Variants in PDE4D observed in about 807,000 individuals in gnomAD.
PDE4D encodes the protein phosphodiesterase 4D.
PDE4D carries 24 observed loss-of-function variants against 87.4 expected under a neutral mutation model. The ratio of observed to expected loss-of-function variants is 0.27; its 90% CI spans 0.20 to 0.39. PDE4D has a LOEUF of 0.39. Ranked by LOEUF, PDE4D falls within the 10% of genes least tolerant of loss-of-function variation. The pLI is 1.00. For synonymous variants in PDE4D, 384 were observed against 383.2 expected (o/e 1.00, Z -0.02); for missense variants, 714 against 1,041.0 (o/e 0.69, Z 4.32).
At chr5:59,964,565 T>C (rs1759802810) in intron 3 of PDE4D, among the ~76,000 whole-genome samples, 1 of 152,270 alleles carries the variant, frequency 6.6e-6, no homozygotes, top group Non-Finnish European at 1.5e-5. Flanking sequence ...ATGTCTTCTA[T>C]ACCCAAACAT....
Position 59,805,667 on chromosome 5 carries a change from A to G in PDE4D, c.455+87501T>C, listed in dbSNP as rs565071893. 2.6e-5 allele frequency among the ~76,000 whole-genome samples: 4 copies of G among 152,366 alleles called. No individual in the cohort carries two copies. The East Asian group carries it at 7.7e-4, about 29-fold the overall frequency. ...GAATGCTGGAGACAGGCAATGGCAC[A>G]TCATCCAATACAGTGAACAAAGGCA... is the stretch of plus-strand genomic sequence containing the variant. On this transcript the variant is annotated intron_variant, in intron 1 of 14. Coordinates refer to ENST00000340635, the MANE Select transcript of PDE4D (RefSeq NM_001104631.2).
intron 1 of PDE4D, among the ~76,000 whole-genome samples, chr5:59,242,792 G>C (rs193281752): frequency 9.2e-4 from 140 of 152,250 alleles, no homozygotes; most frequent in Non-Finnish European, 1.7e-3. Flanking sequence ...TTATAGATAA[G>C]GAAACTGAGG....
At chr5:59,226,860 T>C (rs2153514486) in intron 1 of PDE4D, among the ~76,000 whole-genome samples, 1 of 152,198 alleles carries the variant, frequency 6.6e-6, no homozygotes, top group Non-Finnish European at 1.5e-5. Flanking sequence ...AGTGTCTTTT[T>C]TTTTGGTAGT....
chr5:59,892,896 C>CCACGCACACA (rs1403001194), intron 1 of PDE4D, among the ~76,000 whole-genome samples: 1 of 143,886 alleles, frequency 6.9e-6, no homozygotes, highest in African/African-American at 2.6e-5. Flanking sequence ...AGCGCGCGCA[C>CCACGCACACA]CACACACACA....
At chr5:58,978,393 G>T (rs1744308146) in intron 11 of PDE4D, among the ~76,000 whole-genome samples, 1 of 151,994 alleles carries the variant, frequency 6.6e-6, no homozygotes, top group East Asian at 1.9e-4. Flanking sequence ...TCCAAACTAG[G>T]CAACAGAGCA....
At chr5:59,121,780 C>T (rs1259809819) in intron 5 of PDE4D, among the ~76,000 whole-genome samples, 1 of 152,114 alleles carries the variant, frequency 6.6e-6, no homozygotes, top group Non-Finnish European at 1.5e-5. Context: ...AAGTTTATTG[C>T]AGCACTATAC....
At chr5:60,484,946 T>C (rs1749018396) in intron 1 of PDE4D, among the ~76,000 whole-genome samples, 1 of 152,216 alleles carries the variant, frequency 6.6e-6, no homozygotes. Context: ...ATTTTCATTT[T>C]AAAGACATAG....
intron 2 of PDE4D, among the ~76,000 whole-genome samples, chr5:60,009,055 A>G (rs544713542): frequency 2.6e-5 from 4 of 152,150 alleles, no homozygotes; most frequent in Admixed American, 2.0e-4. Flanking sequence ...CCTTCAGCCA[A>G]TTACTAGAGG....
At chr5:59,198,798 A>G (rs1220712091) in intron 2 of PDE4D, among the ~76,000 whole-genome samples, 1 of 152,000 alleles carries the variant, frequency 6.6e-6, no homozygotes, top group Non-Finnish European at 1.5e-5. Context: ...TCTTTCTGTA[A>G]TAAGGAAACA....
chr5:59,257,244 G>T (rs1277120422), intron 1 of PDE4D, among the ~76,000 whole-genome samples: 1 of 152,024 alleles, frequency 6.6e-6, no homozygotes, highest in Non-Finnish European at 1.5e-5. Flanking sequence ...ATGGGTTTCA[G>T]TTCATACAGG....
intron 11 of PDE4D, among the ~76,000 whole-genome samples, chr5:58,981,589 C>T (rs947320576): frequency 6.6e-6 from 1 of 151,630 alleles, no homozygotes; most frequent in Non-Finnish European, 1.5e-5. Flanking sequence ...CATATAAATG[C>T]ATTCATAAGA....
chr5:60,297,757 C>A (rs1018981063), intron 1 of PDE4D, among the ~76,000 whole-genome samples: 8 of 152,172 alleles, frequency 5.3e-5, no homozygotes, highest in Non-Finnish European at 1.2e-4. Context: ...ATGAGAATTT[C>A]TATTCCCAGC....
chr5:59,395,276 C>A (rs991714727), intron 1 of PDE4D, among the ~76,000 whole-genome samples: 3 of 152,316 alleles, frequency 2.0e-5, no homozygotes, highest in East Asian at 3.9e-4. Context: ...ACTCTGGGGG[C>A]AGGGCAGGGC....
At chr5:59,282,127 A>G (rs893466451) in intron 1 of PDE4D, among the ~76,000 whole-genome samples, 2 of 152,162 alleles carry the variant, frequency 1.3e-5, no homozygotes, top group African/African-American at 4.8e-5. Flanking sequence ...TGGTCACATT[A>G]TAACTTTAGT....
intron 1 of PDE4D, among the ~76,000 whole-genome samples, chr5:60,465,301 A>C (rs1156702730): frequency 1.3e-5 from 2 of 152,242 alleles, no homozygotes; most frequent in East Asian, 1.9e-4. Flanking sequence ...ACTATGCTTT[A>C]GATCATTTTC....
chr5:60,148,098 A>G (rs928501118), intron 2 of PDE4D, among the ~76,000 whole-genome samples: 5 of 152,142 alleles, frequency 3.3e-5, no homozygotes, highest in Admixed American at 3.3e-4. Flanking sequence ...TTAGATGCCA[A>G]TTCTCTATGA....
At chr5:59,765,909 T>C (rs1318059877) in intron 1 of PDE4D, among the ~76,000 whole-genome samples, 1 of 152,200 alleles carries the variant, frequency 6.6e-6, no homozygotes, top group East Asian at 1.9e-4. Flanking sequence ...AACCAACAAA[T>C]GGTTCTTGCT....
intron 1 of PDE4D, among the ~76,000 whole-genome samples, chr5:59,550,192 T>C (rs1817880366): frequency 6.6e-6 from 1 of 152,072 alleles, no homozygotes; most frequent in East Asian, 1.9e-4. Flanking sequence ...AAATCTACCA[T>C]GTTAAAAATT....
At chr5:60,051,327 TC>T (rs1236525854) in intron 2 of PDE4D, among the ~76,000 whole-genome samples, 1 of 152,070 alleles carries the variant, frequency 6.6e-6, no homozygotes, top group Non-Finnish European at 1.5e-5. Context: ...AGAACAGAAA[TC>T]ATAACAAACA....
Sources: allele counts gnomAD v4.1 joint callset (sites outside exome capture counted in the v4.1 genomes callset), GRCh38; gene constraint gnomAD v4.1.1; transcripts MANE v1.5; gene names NCBI Gene and HGNC (gene_info 2026-07-23, HGNC 2026-07-21).